Variants in MYO3A observed in about 807,000 individuals in gnomAD.
The protein encoded by MYO3A is myosin IIIA.
A neutral mutation model predicts 192.7 loss-of-function variants in MYO3A; 180 were observed. That is an observed-to-expected ratio of 0.93 (90% confidence interval 0.83 to 1.06). The LOEUF is 1.06. MYO3A is among the 50% of genes least tolerant of loss of function. MYO3A has a pLI of 0.00. For synonymous variants in MYO3A, 628 were observed against 645.3 expected (o/e 0.97, Z 0.41); for missense variants, 1,896 against 1,905.0 (o/e 1.00, Z 0.09).
rs79790348 is a variant in MYO3A at position 26,025,346 on chromosome 10, C to T, written c.798-1031C>T. Among the ~76,000 whole-genome samples the T allele has an allele frequency of 5.3e-3, 809 of 151,414 alleles. 13 individuals are homozygous for T. The highest frequency in any genetic ancestry group is 0.018 in the African/African-American group (752 of 41,262). On this transcript the variant is annotated intron_variant, in intron 9 of 34. Transcript: ENST00000642920. ...CTTTTTTTCTTTTTTTTTTAATATC[C>T]CCAAATGACAGCCCAGTTTTCTCAT...
chr10:26,149,036 C>T (rs747181008), intron 23 of MYO3A, among the ~76,000 whole-genome samples: 1 of 152,038 alleles, frequency 6.6e-6, no homozygotes, highest in Non-Finnish European at 1.5e-5. Context: ...GGACAGGTTG[C>T]AAGAGTGAAC....
chr10:26,166,249 C>T (rs1037067465), intron 27 of MYO3A, 71 bp downstream of exon 27: 3 of 1,287,340 alleles, frequency 2.3e-6, no homozygotes, highest in Admixed American at 1.7e-5. Context: ...TAACATTTTA[C>T]AATGTTTGAA....
intron 26 of MYO3A, among the ~76,000 whole-genome samples, chr10:26,161,714 A>G (rs1478802501): frequency 6.6e-6 from 1 of 152,190 alleles, no homozygotes; most frequent in Non-Finnish European, 1.5e-5. Flanking sequence ...AATAATATAT[A>G]TGGATTTTAT....
chr10:25,998,245 A>G (rs183395627), intron 6 of MYO3A, among the ~76,000 whole-genome samples: 4 of 152,282 alleles, frequency 2.6e-5, no homozygotes, highest in Admixed American at 2.0e-4. Context: ...GTCTTCCTTC[A>G]TTTTGCATTT....
At chr10:25,953,588 G>A (rs942816924) in intron 3 of MYO3A, among the ~76,000 whole-genome samples, 1 of 152,066 alleles carries the variant, frequency 6.6e-6, no homozygotes, top group Admixed American at 6.6e-5. Flanking sequence ...GTGGCAGCAA[G>A]AGAAAGAAAT....
rs770405606 is a variant in MYO3A, at chr10:26,212,063, G to A, written c.*100G>A. ...GGGGCTGGCACCAGCAGGCACTGAA[G>A]CTGCGGCCCTGATCTCCGCAGAGGC... is the stretch of plus-strand genomic sequence containing the variant. On this transcript the variant is annotated 3_prime_UTR_variant, in exon 35 of 35. Transcript: ENST00000642920. 5.1e-5 allele frequency: 76 copies of A among 1,487,184 alleles called. No homozygotes were observed. In the African/African-American group the frequency reaches 9.9e-4, roughly 19 times the overall value. The allele number at this position is 1,487,184 out of a possible 1,614,324, so 92.1% of individuals were successfully genotyped here.
intron 14 of MYO3A, among the ~76,000 whole-genome samples, chr10:26,081,140 C>CCCCCA (rs1835919155): frequency 2.0e-5 from 2 of 101,796 alleles, no homozygotes; most frequent in South Asian, 6.8e-4. Context: ...CCTTCCCCCC[C>CCCCCA]CCCCCGCCCC....
intron 32 of MYO3A, among the ~76,000 whole-genome samples, chr10:26,200,030 G>A (rs957953498): frequency 5.3e-5 from 8 of 152,104 alleles, no homozygotes; most frequent in South Asian, 4.1e-4. Flanking sequence ...ATTTGTAAGC[G>A]CCTCTTAGCC....
Position 26,035,758 on chromosome 10 carries a change from C to T in MYO3A, c.953+9226C>T, listed in dbSNP as rs531035559. 2.6e-5 allele frequency among the ~76,000 whole-genome samples: 4 copies of T among 152,312 alleles called. No homozygotes were observed. The East Asian group carries it at 7.7e-4, about 29-fold the overall frequency. On this transcript the variant is annotated intron_variant, in intron 10 of 34. Transcript: ENST00000642920. ...TAATTTCTCTTTTCCTCACTGGTGT[C>T]AGAAGTTGGCGGTCACAAAACTGAT...
chr10:25,937,169 A>G (rs1836136605), intron 2 of MYO3A, among the ~76,000 whole-genome samples: 1 of 152,122 alleles, frequency 6.6e-6, no homozygotes. Flanking sequence ...AAAATGGAGG[A>G]CCAGGCAAGA....
chr10:25,979,048 T>A (rs997990326), intron 4 of MYO3A, among the ~76,000 whole-genome samples: 2 of 152,158 alleles, frequency 1.3e-5, no homozygotes, highest in African/African-American at 4.8e-5. Flanking sequence ...ATTTTGGAGT[T>A]CTTAGAGAAT....
chr10:26,050,847 A>G (rs564494847), intron 10 of MYO3A, among the ~76,000 whole-genome samples: 1 of 152,314 alleles, frequency 6.6e-6, no homozygotes, highest in East Asian at 1.9e-4. Context: ...TCCATATGGT[A>G]GATGTTGCTT....
intron 10 of MYO3A, among the ~76,000 whole-genome samples, chr10:26,062,411 G>A (rs372971108): frequency 6.7e-6 from 1 of 150,150 alleles, no homozygotes; most frequent in South Asian, 2.1e-4. Context: ...CAGCTACTCG[G>A]GAGGCTGAGG....
chr10:25,983,974 A>G (rs1839492541), intron 4 of MYO3A, among the ~76,000 whole-genome samples: 1 of 152,354 alleles, frequency 6.6e-6, no homozygotes, highest in African/African-American at 2.4e-5. Context: ...CTTAAACAAA[A>G]CAGTTATCAG....
rs888872155 is a variant in MYO3A at position 26,154,058 on chromosome 10, T to C, written c.2715+129T>C. 5.6e-6 allele frequency: 4 copies of C among 712,490 alleles called. No homozygotes were observed. In the African/African-American group the frequency reaches 7.2e-5, roughly 13 times the overall value. The allele number at this position is 712,490 out of a possible 1,614,324, so 44.1% of individuals were successfully genotyped here. A position where few individuals can be genotyped will look rare whatever the true frequency, so the allele number is the denominator to read the frequency against. On this transcript the variant is annotated intron_variant, in intron 24 of 34. Coordinates refer to ENST00000642920, the MANE Select transcript of MYO3A (RefSeq NM_017433.5). ...CTCCCTTTGATCTTGCTTTTCTGTT[T>C]GAACAGATATTTATGTTATGTTCTT...
chr10:26,003,505 G>A (rs1331616065), intron 6 of MYO3A, among the ~76,000 whole-genome samples: 1 of 152,022 alleles, frequency 6.6e-6, no homozygotes, highest in African/African-American at 2.4e-5. Flanking sequence ...TTTATTAAGT[G>A]GGGTATACTT....
intron 18 of MYO3A, 36 bp downstream of exon 18, chr10:26,120,838 T>C (rs767593354): frequency 6.2e-7 from 1 of 1,611,252 alleles, no homozygotes; most frequent in Non-Finnish European, 8.5e-7. Context: ...AACTGAAATC[T>C]TTCAAATCTT....
chr10:26,070,105 C>G lies in MYO3A; in HGVS notation c.1171-6C>G. The G allele has an allele frequency of 1.3e-6, 2 of 1,593,548 alleles. No homozygotes were observed. Among genetic ancestry groups the G allele is most frequent in the Non-Finnish European group, 1.7e-6 (2 of 1,162,578 alleles). ...CCCTACAAAATGTATTCTTTTTAAC[C>G]TTTAGCATTCCAAACTATATATTGG... On this transcript the variant is annotated splice_polypyrimidine_tract_variant and splice_region_variant and intron_variant, in intron 12 of 34. Transcript: ENST00000642920.
At chr10:25,965,223 G>T (rs1253541911) in intron 4 of MYO3A, among the ~76,000 whole-genome samples, 2 of 152,016 alleles carry the variant, frequency 1.3e-5, no homozygotes, top group African/African-American at 2.4e-5. Context: ...CCTCTTTAAG[G>T]CCAATAACTC....
Sources: gnomAD v4.1 joint callset for allele counts (sites outside exome capture counted in the v4.1 genomes callset) on GRCh38, gnomAD v4.1.1 for gene constraint, MANE v1.5 for transcripts, NCBI Gene and HGNC (gene_info 2026-07-23, HGNC 2026-07-21) for gene names.